The following XIRP2 variants were observed in gnomAD, a reference collection of about 807,000 sequenced individuals.
The protein encoded by XIRP2 is xin actin-binding repeat-containing protein 2.
In XIRP2, 236 loss-of-function variants were observed where a neutral mutation model predicts 277.0. That is an observed-to-expected ratio of 0.85 (90% CI 0.77 to 0.95). The LOEUF is 0.95. Among genes scored for constraint, XIRP2 ranks in the 40% least tolerant of loss-of-function variants. The pLI, the probability that XIRP2 is intolerant of heterozygous loss-of-function variation, is 0.00. For missense variants in XIRP2, 4,640 were observed against 4,157.5 expected (o/e 1.12, Z -3.19); for synonymous variants, 1,490 against 1,416.5 (o/e 1.05, Z -1.17).
At chr2:167,080,139 T>C (rs938112373) in intron 2 of XIRP2, among the ~76,000 whole-genome samples, 12 of 152,152 alleles carry the variant, frequency 7.9e-5, no homozygotes, top group Non-Finnish European at 1.8e-4. Context: ...AGTTGTAGCA[T>C]TGAAAATAAA....
At chr2:166,892,920 A>G (rs1339413491) in intron 1 of XIRP2, among the ~76,000 whole-genome samples, 1 of 148,464 alleles carries the variant, frequency 6.7e-6, no homozygotes, top group African/African-American at 2.5e-5. Context: ...ATGTGTATAT[A>G]TGTATATATG....
At chr2:166,901,501 T>C (rs1237107476) in intron 1 of XIRP2, among the ~76,000 whole-genome samples, 1 of 152,056 alleles carries the variant, frequency 6.6e-6, no homozygotes. Flanking sequence ...CAGGAGAAAA[T>C]GGCTTTCCTC....
rs190179403 is a variant in XIRP2 at position 167,087,666 on chromosome 2, C to T, written c.409-48243C>T. On this transcript the variant is annotated intron_variant, in intron 2 of 10. Transcript: ENST00000409195. ...GTGGTGTGCCGTTTTTTAAGCCGGT[C>T]GGAAAAGCGCAGTATTTGGGTGGCA... Among the ~76,000 whole-genome samples, 26 of 152,298 alleles carry T rather than the reference C, an allele frequency of 1.7e-4. No individual in the cohort carries two copies. The East Asian group carries it at 4.8e-3, about 28-fold the overall frequency.
chr2:167,013,059 G>A (rs1380255325), intron 2 of XIRP2, among the ~76,000 whole-genome samples: 1 of 151,230 alleles, frequency 6.6e-6, no homozygotes, highest in Non-Finnish European at 1.5e-5. Flanking sequence ...ATTGAATCAT[G>A]TGACAACTAA....
intron 2 of XIRP2, among the ~76,000 whole-genome samples, chr2:166,997,750 C>A (rs1394311245): frequency 6.6e-6 from 1 of 151,878 alleles, no homozygotes; most frequent in Admixed American, 6.6e-5. Context: ...ACTAAAAATA[C>A]AACAATTAGC....
intron 3 of XIRP2, among the ~76,000 whole-genome samples, chr2:167,175,159 C>A (rs1692802300): frequency 6.6e-6 from 1 of 152,094 alleles, no homozygotes; most frequent in Non-Finnish European, 1.5e-5. Flanking sequence ...TCTCGTTGAT[C>A]TGTCTACTAT....
chr2:166,891,054 C>T (rs1684087113), intron 1 of XIRP2, among the ~76,000 whole-genome samples: 1 of 152,088 alleles, frequency 6.6e-6, no homozygotes, highest in Non-Finnish European at 1.5e-5. Flanking sequence ...TATCTGGCGA[C>T]GTATGTCCAT....
intron 2 of XIRP2, among the ~76,000 whole-genome samples, chr2:166,995,637 A>C (rs1406258121): frequency 1.3e-5 from 2 of 152,216 alleles, no homozygotes; most frequent in Non-Finnish European, 2.9e-5. Context: ...CATCTCCTAT[A>C]ATATGGGGAT....
intron 3 of XIRP2, among the ~76,000 whole-genome samples, chr2:167,193,195 C>G (rs1460215707): frequency 2.0e-5 from 3 of 152,162 alleles, no homozygotes; most frequent in African/African-American, 7.2e-5. Context: ...CAGTTGTCAA[C>G]TCTAAATTAC....
intron 2 of XIRP2, among the ~76,000 whole-genome samples, chr2:167,078,392 A>C (rs1378537953): frequency 6.6e-6 from 1 of 152,164 alleles, no homozygotes; most frequent in Non-Finnish European, 1.5e-5. Context: ...GGGTTTTCTA[A>C]TTTAGAATCA....
At chr2:166,994,992 C>T (rs945349365) in intron 2 of XIRP2, among the ~76,000 whole-genome samples, 2 of 152,030 alleles carry the variant, frequency 1.3e-5, no homozygotes, top group South Asian at 4.1e-4. Flanking sequence ...AGTGATTATC[C>T]TGCCTCAGCC....
intron 2 of XIRP2, among the ~76,000 whole-genome samples, chr2:167,061,561 A>G (rs940531247): frequency 1.3e-5 from 2 of 152,154 alleles, no homozygotes; most frequent in Non-Finnish European, 2.9e-5. Flanking sequence ...TCTAACCCCC[A>G]GTATCCGTGG....
chr2:166,970,685 C>A (rs1459712186), intron 2 of XIRP2, among the ~76,000 whole-genome samples: 4 of 151,834 alleles, frequency 2.6e-5, no homozygotes, highest in Non-Finnish European at 5.9e-5. Flanking sequence ...AAAGGTAAAT[C>A]ATGATCTTAG....
intron 2 of XIRP2, among the ~76,000 whole-genome samples, chr2:167,076,566 G>T (rs374240328): frequency 1.3e-5 from 2 of 152,238 alleles, no homozygotes; most frequent in South Asian, 2.1e-4. Flanking sequence ...GATGAAGGAG[G>T]TCCATATATT....
intron 3 of XIRP2, among the ~76,000 whole-genome samples, chr2:167,186,465 A>T (rs1193274264): frequency 6.6e-6 from 1 of 152,112 alleles, no homozygotes; most frequent in East Asian, 1.9e-4. Context: ...TCTTTATTTG[A>T]GTTTGTCGTT....
chr2:167,149,480 C>G (rs1691951496), intron 3 of XIRP2, among the ~76,000 whole-genome samples: 1 of 152,060 alleles, frequency 6.6e-6, no homozygotes, highest in Non-Finnish European at 1.5e-5. Context: ...TCTGCATACT[C>G]TGGGCATTTA....
intron 5 of XIRP2, among the ~76,000 whole-genome samples, chr2:167,225,361 G>A (rs1167377676): frequency 6.6e-6 from 1 of 152,096 alleles, no homozygotes. Context: ...TGCATATGTG[G>A]TTTCTCAGCA....
chr2:167,210,736 G>T lies in XIRP2; in HGVS notation c.564G>T (p.Ala188=). Residue 188 remains alanine (A), a splice_region_variant and synonymous_variant, in exon 4 of 11, where the codon GCG becomes GCT. Transcript: ENST00000409195. ...PESGHSRIFE[A]TAGPNKPESG... The stretch of plus-strand genomic sequence containing the variant: ...TAAGCATGCTCTGTTTGCTTTCAGC[G>T]ACTGCTGGCCCTAATAAGCCTGAGA... The T allele has an allele frequency of 6.2e-7, 1 of 1,614,028 alleles. No individual in the cohort carries two copies. Among genetic ancestry groups the T allele is most frequent in the Admixed American group, 1.7e-5 (1 of 60,030 alleles).
At chr2:166,995,328 A>T (rs147792766) in intron 2 of XIRP2, among the ~76,000 whole-genome samples, 2 of 152,246 alleles carry the variant, frequency 1.3e-5, no homozygotes, top group Non-Finnish European at 2.9e-5. Context: ...TAAGGCAAAA[A>T]CGTTAGTGAC....
Sources: gnomAD v4.1 joint callset for allele counts (sites outside exome capture counted in the v4.1 genomes callset) on GRCh38, gnomAD v4.1.1 for gene constraint, MANE v1.5 for transcripts, NCBI Gene and HGNC (gene_info 2026-07-23, HGNC 2026-07-21) for gene names.